The following KDM2A variants were observed in gnomAD, a reference collection of about 807,000 sequenced individuals.
The protein encoded by KDM2A is lysine demethylase 2A.
KDM2A carries 3 observed loss-of-function variants against 137.3 expected under a neutral mutation model. That is an observed-to-expected ratio of 0.02 (90% CI 0.01 to 0.06). The LOEUF is 0.06. Among genes scored for constraint, KDM2A ranks in the 10% least tolerant of loss-of-function variants. The pLI, the probability that KDM2A is intolerant of heterozygous loss-of-function variation, is 1.00. For missense variants in KDM2A, 738 were observed against 1,510.6 expected, an observed-to-expected ratio of 0.49 and a Z score of 8.48; for synonymous variants, 512 against 541.5, an observed-to-expected ratio of 0.95 and a Z score of 0.76.
intron 2 of KDM2A, among the ~76,000 whole-genome samples, chr11:67,165,089 T>C (rs1223105432): frequency 2.0e-5 from 3 of 151,108 alleles, no homozygotes; most frequent in African/African-American, 7.3e-5. Context: ...CGGGTAGGAG[T>C]ATATGTGTTT....
intron 11 of KDM2A, among the ~76,000 whole-genome samples, chr11:67,231,245 C>T (rs948370365): frequency 1.3e-5 from 2 of 152,104 alleles, no homozygotes; most frequent in African/African-American, 4.8e-5. Context: ...CAGATTCAAG[C>T]TTTAACTTGA....
chr11:67,144,614 C>T (rs956642680), intron 2 of KDM2A, among the ~76,000 whole-genome samples: 3 of 151,490 alleles, frequency 2.0e-5, no homozygotes, highest in Admixed American at 2.0e-4. Context: ...CTCATCCAGG[C>T]TGGAGTACAG....
intron 2 of KDM2A, among the ~76,000 whole-genome samples, chr11:67,167,431 G>C (rs1393260912): frequency 3.9e-5 from 6 of 152,148 alleles, no homozygotes; most frequent in Non-Finnish European, 8.8e-5. Flanking sequence ...GTTTTGTGGA[G>C]GGCTTGTTTG....
intron 5 of KDM2A, among the ~76,000 whole-genome samples, chr11:67,194,348 C>A (rs977018395): frequency 6.6e-6 from 1 of 152,164 alleles, no homozygotes; most frequent in South Asian, 2.1e-4. Context: ...TAGCATCTTT[C>A]AAAACATCTC....
chr11:67,201,192 T>TAA (rs1857611398), intron 5 of KDM2A, among the ~76,000 whole-genome samples: 1 of 110,926 alleles, frequency 9.0e-6, no homozygotes, highest in African/African-American at 4.0e-5. Context: ...AGACTCTGTC[T>TAA]CAAAAAAAAA....
chr11:67,226,064 A>C (rs1362180666), intron 10 of KDM2A, among the ~76,000 whole-genome samples: 1 of 151,616 alleles, frequency 6.6e-6, no homozygotes, highest in East Asian at 1.9e-4. Flanking sequence ...AAACTGTGTC[A>C]AAAAAGAGTA....
rs537983210 is a variant in KDM2A, at chr11:67,204,315, CCAAA to C, written c.308-3189_308-3186del. Among the ~76,000 whole-genome samples the C allele has an allele frequency of 3.3e-5, 5 of 152,032 alleles. No homozygotes were observed. In the South Asian group the frequency reaches 8.3e-4, roughly 25 times the overall value. ...TATCTAGTTCTAGAATTTCATCACC[CCAAA>C]CAAACTCCATACCTTTGAGCAGTCA... On this transcript the variant is annotated intron_variant, in intron 5 of 20. Coordinates refer to ENST00000529006, the MANE Select transcript of KDM2A (RefSeq NM_012308.3).
intron 2 of KDM2A, among the ~76,000 whole-genome samples, chr11:67,167,311 A>G (rs1254705513): frequency 6.6e-6 from 1 of 152,206 alleles, no homozygotes; most frequent in Non-Finnish European, 1.5e-5. Context: ...TATCATAGTT[A>G]AATGTGCAGC....
At chr11:67,152,989 C>CT (rs35601441) in intron 2 of KDM2A, among the ~76,000 whole-genome samples, 9,454 of 135,592 alleles carry the variant, frequency 0.07, 624 homozygotes, top group African/African-American at 0.16. Context: ...CATGGTATGT[C>CT]TTTTTTTTTT....
Position 67,119,518 on chromosome 11 carries a change from C to A in KDM2A, c.-615C>A, listed in dbSNP as rs1855547963. The A allele has an allele frequency of 6.6e-6, 1 of 152,134 alleles. No individual in the cohort carries two copies. The highest frequency in any genetic ancestry group is 1.9e-4 in the South Asian group (1 of 5,246). 9.4% of individuals were successfully genotyped at this position (152,134 alleles called of 1,614,324 possible). A position where few individuals can be genotyped will look rare whatever the true frequency, so the allele number is the denominator to read the frequency against. On this transcript the variant is annotated 5_prime_UTR_variant, in exon 1 of 21. Coordinates refer to ENST00000529006, the MANE Select transcript of KDM2A (RefSeq NM_012308.3). The stretch of plus-strand genomic sequence containing the variant: ...TAGCCGGGGGGCTCGTCCCGCAGCG[C>A]GGAGCCAGACCTGAGGGGGAGACGC...
chr11:67,177,114 G>A (rs1856987286), intron 2 of KDM2A, among the ~76,000 whole-genome samples: 1 of 151,838 alleles, frequency 6.6e-6, no homozygotes, highest in South Asian at 2.1e-4. Flanking sequence ...AAAATTAGCC[G>A]GGCATATTAC....
rs778580050 is a variant in KDM2A at position 67,243,035 on chromosome 11, C to T, written c.1506C>T (p.Ser502=). 22 of 1,613,456 alleles carry T rather than the reference C, an allele frequency of 1.4e-5. 1 individual carries two copies. The highest frequency in any genetic ancestry group is 4.0e-5 in the African/African-American group (3 of 74,874). ...TTTTGCTGGAGGAGCTTGCCAACAG[C>T]GATCCCAAGTTAGCCCTCACTGGAG... ...VKILLEELAN[S]DPKLALTGVP... The change falls in exon 13 of 21, where the codon AGC becomes AGT. Residue 502 remains serine, a synonymous_variant. Coordinates refer to ENST00000529006, the MANE Select transcript of KDM2A (RefSeq NM_012308.3).
chr11:67,187,974 T>G (rs568132242), intron 5 of KDM2A, among the ~76,000 whole-genome samples: 1 of 152,032 alleles, frequency 6.6e-6, no homozygotes, highest in South Asian at 2.1e-4. Context: ...GCAGGACTGC[T>G]TGAAGCCAGG....
At chr11:67,158,334 G>A (rs1447051609) in intron 2 of KDM2A, among the ~76,000 whole-genome samples, 1 of 152,164 alleles carries the variant, frequency 6.6e-6, no homozygotes, top group Non-Finnish European at 1.5e-5. Flanking sequence ...CCTATTGAAG[G>A]ACATCTTGAT....
At chr11:67,196,600 A>AT (rs2136359494) in intron 5 of KDM2A, 1 of 377,864 alleles carries the variant, frequency 2.6e-6, no homozygotes, top group Non-Finnish European at 5.2e-6. Flanking sequence ...CTAAGGACTT[A>AT]TGCTAAGTGA....
chr11:67,165,382 A>G (rs968454516), intron 2 of KDM2A, among the ~76,000 whole-genome samples: 5 of 152,136 alleles, frequency 3.3e-5, no homozygotes, highest in Admixed American at 2.6e-4. Context: ...TCAGCCTCCC[A>G]AAGTGCTGGG....
chr11:67,160,783 CA>C (rs964903222), intron 2 of KDM2A, among the ~76,000 whole-genome samples: 208 of 147,470 alleles, frequency 1.4e-3, no homozygotes, highest in African/African-American at 4.4e-3. Flanking sequence ...AAAAAAACAA[CA>C]AAAAAAAAAT....
chr11:67,237,468 AT>A (rs1858905242), intron 12 of KDM2A, among the ~76,000 whole-genome samples: 1 of 151,542 alleles, frequency 6.6e-6, no homozygotes, highest in South Asian at 2.1e-4. Context: ...CATTATTATT[AT>A]TATTAGCAAC....
intron 2 of KDM2A, among the ~76,000 whole-genome samples, chr11:67,173,293 C>T (rs751803631): frequency 7.2e-5 from 11 of 152,234 alleles, no homozygotes; most frequent in South Asian, 2.1e-4. Flanking sequence ...TGGCTAATTT[C>T]GTATTTTTAG....
Sources: allele counts gnomAD v4.1 joint callset (sites outside exome capture counted in the v4.1 genomes callset), GRCh38; gene constraint gnomAD v4.1.1; transcripts MANE v1.5; gene names NCBI Gene and HGNC (gene_info 2026-07-23, HGNC 2026-07-21).